MPHOSPH9: variants seen among roughly 807,000 people sequenced by gnomAD.
MPHOSPH9 encodes M-phase phosphoprotein 9.
A neutral mutation model predicts 145.5 loss-of-function variants in MPHOSPH9; 88 were observed. The observed-to-expected ratio is 0.60, with a 90% CI of 0.51 to 0.72. The LOEUF is 0.72. MPHOSPH9 is among the 30% of genes least tolerant of loss of function. The pLI, the probability that MPHOSPH9 is intolerant of heterozygous loss-of-function variation, is 0.00. For synonymous variants in MPHOSPH9, 435 were observed against 486.2 expected (o/e 0.89, Z 1.39); for missense variants, 1,238 against 1,386.6 (o/e 0.89, Z 1.70).
chr12:123,242,278 G>A (rs533985910), intron 1 of MPHOSPH9, among the ~76,000 whole-genome samples: 2 of 152,290 alleles, frequency 1.3e-5, no homozygotes, highest in South Asian at 4.1e-4. Context: ...TAGAGCGCCA[G>A]CCCTACGCCG....
intron 14 of MPHOSPH9, 49 bp from the exon 15 acceptor site, chr12:123,180,039 T>G: frequency 9.9e-7 from 1 of 1,011,702 alleles, no homozygotes; most frequent in Non-Finnish European, 1.4e-6. Flanking sequence ...AATATTCACA[T>G]GAATTATTTT....
chr12:123,194,873 C>T (rs937029241), intron 12 of MPHOSPH9, among the ~76,000 whole-genome samples: 3 of 151,922 alleles, frequency 2.0e-5, no homozygotes, highest in Admixed American at 1.3e-4. Flanking sequence ...CCACAGGCCT[C>T]GGCCTCCCAA....
In MPHOSPH9 at chr12:123,161,414, T is replaced by C. The variant is rs1164330686; in HGVS notation, c.3134-31A>G. ...AGAGAGGAGAGAAATTGCTTATATT[T>C]CTTATCAATTTTTCGTGTAGGTTGC... On this transcript the variant is annotated intron_variant, in intron 21 of 23. Coordinates refer to ENST00000606320, the MANE Select transcript of MPHOSPH9 (RefSeq NM_022782.4). 2.5e-6 allele frequency: 4 copies of C among 1,609,540 alleles called. No individual in the cohort carries two copies. The South Asian group carries it at 4.4e-5, about 18-fold the overall frequency.
At chr12:123,198,832 A>G (rs932849982) in intron 11 of MPHOSPH9, among the ~76,000 whole-genome samples, 12 of 150,236 alleles carry the variant, frequency 8.0e-5, no homozygotes, top group Non-Finnish European at 1.8e-4. Flanking sequence ...AAAAAAAAAA[A>G]AAGCCTAAAA....
intron 13 of MPHOSPH9, among the ~76,000 whole-genome samples, chr12:123,193,789 A>G (rs1486398622): frequency 2.0e-5 from 3 of 151,380 alleles, no homozygotes; most frequent in Non-Finnish European, 4.4e-5. Context: ...CACAAATGTT[A>G]AGATAGCTTG....
intron 23 of MPHOSPH9, among the ~76,000 whole-genome samples, chr12:123,157,738 C>T (rs922925417): frequency 7.2e-5 from 11 of 152,068 alleles, no homozygotes; most frequent in Admixed American, 2.6e-4. Context: ...CCACCCACCT[C>T]GGCCTCCCAA....
At chr12:123,206,202 A>G (rs1413161696) in intron 8 of MPHOSPH9, among the ~76,000 whole-genome samples, 2 of 152,056 alleles carry the variant, frequency 1.3e-5, no homozygotes, top group African/African-American at 4.8e-5. Context: ...TAATCCCAGC[A>G]CTTTGGGAGG....
intron 1 of MPHOSPH9, among the ~76,000 whole-genome samples, chr12:123,243,651 G>T (rs1238928779): frequency 2.0e-5 from 3 of 152,082 alleles, no homozygotes; most frequent in Admixed American, 1.3e-4. Context: ...GTTGCAGGGA[G>T]CCGAGATCGC....
chr12:123,168,793 A>G (rs2044440063), intron 16 of MPHOSPH9, among the ~76,000 whole-genome samples: 1 of 151,330 alleles, frequency 6.6e-6, no homozygotes, highest in African/African-American at 2.4e-5. Context: ...CCATGAAACA[A>G]CTCTTGTTTT....
chr12:123,162,766 T>C, intron 20 of MPHOSPH9: 2 of 385,998 alleles, frequency 5.2e-6, no homozygotes, highest in East Asian at 8.6e-5. Flanking sequence ...TCATTCTACA[T>C]ACAAAAGCTG....
chr12:123,179,217 C>A (rs574096130), intron 15 of MPHOSPH9, among the ~76,000 whole-genome samples: 1 of 152,042 alleles, frequency 6.6e-6, no homozygotes, highest in African/African-American at 2.4e-5. Flanking sequence ...CACTTGAGGT[C>A]GAGAGATCTG....
intron 11 of MPHOSPH9, among the ~76,000 whole-genome samples, chr12:123,201,201 G>A (rs945831118): frequency 6.6e-6 from 1 of 151,288 alleles, no homozygotes; most frequent in Non-Finnish European, 1.5e-5. Context: ...CAGTATAAAG[G>A]CTAGTTTTCC....
chr12:123,167,735 T>C (rs1397068852), intron 16 of MPHOSPH9, among the ~76,000 whole-genome samples: 1 of 152,202 alleles, frequency 6.6e-6, no homozygotes, highest in Non-Finnish European at 1.5e-5. Flanking sequence ...ATAGTAATAG[T>C]GGCTGTTGGC....
At chr12:123,218,182 AG>A (rs576912575) in intron 6 of MPHOSPH9, among the ~76,000 whole-genome samples, 193 bp downstream of exon 6, 401 of 152,274 alleles carry the variant, frequency 2.6e-3, no homozygotes, top group Middle Eastern at 0.01. Context: ...AAGTGAGCCG[AG>A]ATCACGTCAT....
chr12:123,204,467 A>G lies in MPHOSPH9; in HGVS notation c.1195-1092T>C, dbSNP rs560589688. Reference sequence around the variant, plus strand: ...TTGTTAAAAGAGTTGGCCAAACAAAACTAGGTGTCACAAAGTGACCCAATG... The same window carrying G: ...TTGTTAAAAGAGTTGGCCAAACAAAGCTAGGTGTCACAAAGTGACCCAATG... On this transcript the variant is annotated intron_variant, in intron 8 of 23. Transcript: ENST00000606320. 2.6e-5 allele frequency among the ~76,000 whole-genome samples: 4 copies of G among 152,308 alleles called. No individual in the cohort carries two copies. The East Asian group carries it at 7.7e-4, about 29-fold the overall frequency.
In MPHOSPH9 at chr12:123,218,503, T is replaced by A; in HGVS notation, c.873-4A>T. 1 of 1,609,626 alleles carries A rather than the reference T, an allele frequency of 6.2e-7. No individual in the cohort carries two copies. The highest frequency in any genetic ancestry group is 1.1e-5 in the South Asian group (1 of 89,778). ...TGCCCATGATGTTATAGCATTACTATTTAAGAAGAGAAAACCAAAATTACT... is the reference window on the plus strand; with the variant it reads ...TGCCCATGATGTTATAGCATTACTAATTAAGAAGAGAAAACCAAAATTACT... On this transcript the variant is annotated splice_polypyrimidine_tract_variant and splice_region_variant and intron_variant, in intron 5 of 23. Transcript: ENST00000606320.
intron 15 of MPHOSPH9, among the ~76,000 whole-genome samples, chr12:123,177,087 G>A (rs2044906296): frequency 3.9e-5 from 6 of 152,206 alleles, no homozygotes; most frequent in African/African-American, 1.4e-4. Flanking sequence ...CTACTCGGGG[G>A]GCTGAGGCAG....
chr12:123,205,553 A>G (rs1593185602), intron 8 of MPHOSPH9, among the ~76,000 whole-genome samples: 1 of 152,296 alleles, frequency 6.6e-6, no homozygotes, highest in South Asian at 2.1e-4. Context: ...CTCAAAAAAA[A>G]AAAAGTACCA....
At chr12:123,219,330 G>A (rs2047100477) in intron 5 of MPHOSPH9, among the ~76,000 whole-genome samples, 1 of 151,792 alleles carries the variant, frequency 6.6e-6, no homozygotes, top group Non-Finnish European at 1.5e-5. Flanking sequence ...CTGGCGCAGT[G>A]GCTCACGCCT....
Sources: gnomAD v4.1 joint callset for allele counts (sites outside exome capture counted in the v4.1 genomes callset) on GRCh38, gnomAD v4.1.1 for gene constraint, MANE v1.5 for transcripts, NCBI Gene and HGNC (gene_info 2026-07-23, HGNC 2026-07-21) for gene names.